Variants in CGGBP1 observed in about 807,000 individuals in gnomAD.
CGGBP1 encodes CGG triplet repeat-binding protein 1.
CGGBP1 carries 4 observed loss-of-function variants against 11.4 expected under a neutral mutation model. The observed-to-expected ratio is 0.35, with a 90% CI of 0.17 to 0.80. CGGBP1 has a LOEUF of 0.80. Among genes scored for constraint, CGGBP1 ranks in the 30% least tolerant of loss-of-function variants. The probability of loss-of-function intolerance (pLI) is 0.52; values close to 1 mark genes in which losing one functional copy is unlikely to be tolerated. For synonymous variants in CGGBP1, 76 were observed against 74.1 expected (o/e 1.03, Z -0.13); for missense variants, 135 against 202.1 (o/e 0.67, Z 2.01).
chr3:88,059,239 A>AGAG (rs1195535840), upstream of CGGBP1: 1 of 1,521,044 alleles, frequency 6.6e-7, no homozygotes, highest in Non-Finnish European at 8.8e-7. Context: ...AGGGAACTAG[A>AGAG]GAGGAGGAGG....
intron 2 of CGGBP1, chr3:88,113,133 G>C (rs1170345738): frequency 3.3e-6 from 5 of 1,533,506 alleles, no homozygotes; most frequent in South Asian, 1.2e-5. Context: ...TTGAGTTGCT[G>C]CTGTTCTTTG....
chr3:88,116,042 CTGG>C (rs1705369289), intron 2 of CGGBP1, among the ~76,000 whole-genome samples: 1 of 152,088 alleles, frequency 6.6e-6, no homozygotes, highest in African/African-American at 2.4e-5. Context: ...AGAACTTCCA[CTGG>C]TATCCAGTCA....
rs972432767 is a variant in CGGBP1 at position 88,054,611 on chromosome 3, A to G, written c.*862T>C. On this transcript the variant is annotated 3_prime_UTR_variant, in exon 4 of 4. Transcript: ENST00000482016. ...TCTGTCAGCCAAAAAAAAATTACTA[A>G]TTCTCTATAATAAAGAGAAAACTCA... 5 of 152,496 alleles carry G rather than the reference A, an allele frequency of 3.3e-5. No homozygotes were observed. Among genetic ancestry groups the G allele is most frequent in the Non-Finnish European group, 5.9e-5 (4 of 68,030 alleles). 9.4% of individuals were successfully genotyped at this position (152,496 alleles called of 1,614,324 possible). A position where few individuals can be genotyped will look rare whatever the true frequency, so the allele number is the denominator to read the frequency against.
chr3:88,096,133 C>G (rs1312579227), intron 2 of CGGBP1, among the ~76,000 whole-genome samples: 1 of 151,720 alleles, frequency 6.6e-6, no homozygotes, highest in Admixed American at 6.6e-5. Flanking sequence ...AGTCAAGATT[C>G]AATTAGGTAA....
At chr3:88,101,301 G>A (rs1704409754) in intron 2 of CGGBP1, among the ~76,000 whole-genome samples, 1 of 151,956 alleles carries the variant, frequency 6.6e-6, no homozygotes, top group Non-Finnish European at 1.5e-5. Context: ...CCCAGCTCAA[G>A]GCAACTACTG....
At position 88,143,589 on chromosome 3, in the gene CGGBP1, C is replaced by G. The variant is rs80200010; in HGVS notation, c.-337-2511G>C. 712 of 152,294 alleles carry G rather than the reference C, an allele frequency of 4.7e-3. 8 individuals are homozygous for G. The highest frequency in any genetic ancestry group is 7.7e-3 in the Non-Finnish European group (524 of 67,736). The allele number at this position is 152,294 out of a possible 1,614,324, so 9.4% of individuals were successfully genotyped here. A position where few individuals can be genotyped will look rare whatever the true frequency, so the allele number is the denominator to read the frequency against. ...AAGTTTAATATTTTATCACATTTTC[C>G]ACAAGTTGTAACAATTGATATAAAT... On this transcript the variant is annotated intron_variant, in intron 1 of 3. Transcript: ENST00000462901.
chr3:88,083,120 C>A (rs1473516724), intron 2 of CGGBP1, among the ~76,000 whole-genome samples: 1 of 151,978 alleles, frequency 6.6e-6, no homozygotes, highest in Non-Finnish European at 1.5e-5. Context: ...TAGGACTTCA[C>A]CTTTATGACC....
At chr3:88,056,093 A>AC in intron 3 of CGGBP1, 94 bp from the exon 4 acceptor site, 1 of 886,704 alleles carries the variant, frequency 1.1e-6, no homozygotes, top group Admixed American at 2.9e-5. Flanking sequence ...CACTTCAAAT[A>AC]CTTCAAAAAA....
intron 1 of CGGBP1, chr3:88,143,145 A>G (rs771129519): frequency 1.1e-4 from 16 of 152,296 alleles, no homozygotes; most frequent in Non-Finnish European, 1.6e-4. Context: ...GAATGAGGCT[A>G]TTACGGAAGT....
intron 2 of CGGBP1, among the ~76,000 whole-genome samples, chr3:88,126,614 A>G (rs1223016346): frequency 6.7e-6 from 1 of 148,900 alleles, no homozygotes; most frequent in African/African-American, 2.5e-5. Flanking sequence ...TAAGAAACAA[A>G]AAGTCTGCTT....
intron 2 of CGGBP1, among the ~76,000 whole-genome samples, chr3:88,115,674 C>A (rs1705347039): frequency 6.6e-6 from 1 of 152,162 alleles, no homozygotes; most frequent in Non-Finnish European, 1.5e-5. Context: ...TTTTTCCTCT[C>A]CGTTATTTCT....
intron 2 of CGGBP1, among the ~76,000 whole-genome samples, chr3:88,137,118 C>T (rs1250281383): frequency 6.9e-6 from 1 of 145,672 alleles, no homozygotes; most frequent in Non-Finnish European, 1.5e-5. Context: ...TTGCTTGAAC[C>T]CGGGAGGCAG....
chr3:88,057,763 T>C (rs1183260702), intron 2 of CGGBP1: 1 of 152,260 alleles, frequency 6.6e-6, no homozygotes, highest in Non-Finnish European at 1.5e-5. Flanking sequence ...TTTGTGCTAA[T>C]GTGAAAGGCC....
intron 2 of CGGBP1, among the ~76,000 whole-genome samples, chr3:88,097,877 G>A (rs1328493135): frequency 6.6e-6 from 1 of 152,134 alleles, no homozygotes; most frequent in Non-Finnish European, 1.5e-5. Flanking sequence ...ACAAGAGAAA[G>A]CAGGAAAGAT....
chr3:88,056,169 CA>C (rs1706537443), intron 3 of CGGBP1, 170 bp from the exon 4 acceptor site: 1 of 523,386 alleles, frequency 1.9e-6, no homozygotes, highest in South Asian at 3.4e-5. Context: ...TAAGGGAAGG[CA>C]AAACTAGAAC....
intron 2 of CGGBP1, among the ~76,000 whole-genome samples, chr3:88,114,995 G>A (rs1031222895): frequency 4.6e-5 from 7 of 152,102 alleles, no homozygotes; most frequent in African/African-American, 1.7e-4. Context: ...CCCTAGCTCC[G>A]CAGTGGTTCT....
At chr3:88,075,101 A>T (rs1252531520) in intron 2 of CGGBP1, among the ~76,000 whole-genome samples, 1 of 152,118 alleles carries the variant, frequency 6.6e-6, no homozygotes, top group African/African-American at 2.4e-5. Context: ...ATCTTAATTG[A>T]TGTTTCCTAC....
At chr3:88,093,313 A>G (rs764743940) in intron 2 of CGGBP1, among the ~76,000 whole-genome samples, 5 of 152,196 alleles carry the variant, frequency 3.3e-5, no homozygotes, top group Non-Finnish European at 7.4e-5. Context: ...TATAGACTTT[A>G]TAAGTTTTAC....
intron 2 of CGGBP1, among the ~76,000 whole-genome samples, chr3:88,130,514 C>G (rs760227286): frequency 1.3e-5 from 2 of 151,778 alleles, no homozygotes; most frequent in Non-Finnish European, 2.9e-5. Flanking sequence ...TACAGTGGTG[C>G]GATCATGGCT....
Sources: allele counts gnomAD v4.1 joint callset (sites outside exome capture counted in the v4.1 genomes callset), GRCh38; gene constraint gnomAD v4.1.1; transcripts MANE v1.5; gene names NCBI Gene and HGNC (gene_info 2026-07-23, HGNC 2026-07-21).